PRKD3: variants seen among roughly 807,000 people sequenced by gnomAD.
PRKD3 encodes serine/threonine-protein kinase D3.
In PRKD3, 47 loss-of-function variants were observed where a neutral mutation model predicts 99.2. The observed-to-expected ratio is 0.47, with a 90% CI of 0.38 to 0.60. The LOEUF (loss-of-function observed/expected upper bound fraction) is 0.60. PRKD3 is among the 20% of genes least tolerant of loss of function. The pLI is 0.00. For missense variants in PRKD3, 1,019 were observed against 1,088.4 expected (o/e 0.94, Z 0.90); for synonymous variants, 392 against 355.4 (o/e 1.10, Z -1.16).
Position 37,312,520 on chromosome 2 carries a change from A to G in PRKD3, c.288+3717T>C, listed in dbSNP as rs1572702208. On this transcript the variant is annotated intron_variant, in intron 2 of 18. Transcript: ENST00000234179. Reference sequence around the variant, plus strand: ...TGTTCCAGCTCTTATAGTGTAAATAAGAGTCCTTTTCACAGTCTATTTAGT... The same window carrying G: ...TGTTCCAGCTCTTATAGTGTAAATAGGAGTCCTTTTCACAGTCTATTTAGT... Among the ~76,000 whole-genome samples the G allele has an allele frequency of 2.6e-5, 4 of 152,318 alleles. 1 individual carries two copies. Among genetic ancestry groups the G allele is most frequent in the Admixed American group, 2.6e-4 (4 of 15,308 alleles).
intron 6 of PRKD3, among the ~76,000 whole-genome samples, chr2:37,283,575 G>A (rs1182319840): frequency 6.6e-6 from 1 of 152,104 alleles, no homozygotes; most frequent in Non-Finnish European, 1.5e-5. Flanking sequence ...GTTAAGACAG[G>A]CCCTAGGGAA....
chr2:37,322,708 T>C (rs1671938165), intron 1 of PRKD3, among the ~76,000 whole-genome samples: 1 of 152,092 alleles, frequency 6.6e-6, no homozygotes, highest in Non-Finnish European at 1.5e-5. Flanking sequence ...AAAATGAAAA[T>C]ATCTCATAAG....
chr2:37,321,900 G>T (rs1320575873), intron 1 of PRKD3, among the ~76,000 whole-genome samples: 1 of 152,168 alleles, frequency 6.6e-6, no homozygotes, highest in Non-Finnish European at 1.5e-5. Flanking sequence ...TCTTCAAAAA[G>T]AAGTTCATTA....
At chr2:37,306,996 A>G (rs1344387938) in intron 2 of PRKD3, among the ~76,000 whole-genome samples, 2 of 152,192 alleles carry the variant, frequency 1.3e-5, no homozygotes, top group Non-Finnish European at 2.9e-5. Flanking sequence ...TTACTCCATC[A>G]GTTTAACCCA....
rs146306275 is a variant in PRKD3 at position 37,260,391 on chromosome 2, A to G, written c.1885-7T>C. Reference sequence around the variant, plus strand: ...TCCCAGGATGGTGCAAATTCTGAAGAGAGGTTGCAAGATACATGAGCAACT... The same window carrying G: ...TCCCAGGATGGTGCAAATTCTGAAGGGAGGTTGCAAGATACATGAGCAACT... On this transcript the variant is annotated splice_polypyrimidine_tract_variant and splice_region_variant and intron_variant, in intron 14 of 18. Coordinates refer to ENST00000234179, the MANE Select transcript of PRKD3 (RefSeq NM_005813.6). 2.8e-4 allele frequency: 449 copies of G among 1,606,302 alleles called. 2 individuals carry two copies. The African/African-American group carries it at 5.3e-3, about 19-fold the overall frequency.
chr2:37,314,604 A>G (rs958221293), intron 2 of PRKD3, among the ~76,000 whole-genome samples: 4 of 152,188 alleles, frequency 2.6e-5, no homozygotes, highest in Admixed American at 6.5e-5. Context: ...TACTTAATAA[A>G]TATATACAAT....
rs1668322736 is a variant in PRKD3, at chr2:37,260,387, G to GTAA, written c.1885-4_1885-3insTTA. Reference sequence around the variant, plus strand: ...ACAATCCCAGGATGGTGCAAATTCTGAAGAGAGGTTGCAAGATACATGAGC... The same window carrying GTAA: ...ACAATCCCAGGATGGTGCAAATTCTGTAAAAGAGAGGTTGCAAGATACATGAGC... On this transcript the variant is annotated splice_polypyrimidine_tract_variant and splice_region_variant and intron_variant, in intron 14 of 18. Transcript: ENST00000234179. The GTAA allele has an allele frequency of 6.2e-7, 1 of 1,608,270 alleles. No homozygotes were observed. Among genetic ancestry groups the GTAA allele is most frequent in the Non-Finnish European group, 8.5e-7 (1 of 1,174,974 alleles).
intron 14 of PRKD3, among the ~76,000 whole-genome samples, chr2:37,261,044 C>A (rs193130195): frequency 9.3e-4 from 141 of 152,326 alleles, no homozygotes; most frequent in Middle Eastern, 3.4e-3. Context: ...TGCTCAAACA[C>A]CTTCAGTGGC....
chr2:37,253,233 A>G lies in PRKD3; in HGVS notation c.2617T>C (p.Tyr873His), dbSNP rs756556191. 14 of 1,612,606 alleles carry G rather than the reference A, an allele frequency of 8.7e-6. No homozygotes were observed. The East Asian group carries it at 1.3e-4, about 15-fold the overall frequency. Residue 873 changes from tyrosine to histidine, a missense_variant, in exon 19 of 19, where the codon TAC becomes CAC. Tyr to His is a moderately conservative substitution (Grantham distance 83). This residue lies in a region of PRKD3 where 125 missense variants were observed against 120.6 expected (regional missense o/e 1.04). Coordinates refer to ENST00000234179, the MANE Select transcript of PRKD3 (RefSeq NM_005813.6). ...EIHAYTHNLVYPKHFIMAPNP... is the reference protein window; with the variant it reads ...EIHAYTHNLVHPKHFIMAPNP... ...GGAGCCATAATGAAGTGCTTTGGGT[A>G]TACAAGGTTATGTGTGTATGCATGT...
At chr2:37,276,479 T>C (rs1669576122) in intron 9 of PRKD3, among the ~76,000 whole-genome samples, 1 of 152,128 alleles carries the variant, frequency 6.6e-6, no homozygotes, top group African/African-American at 2.4e-5. Flanking sequence ...AAACTCTCTG[T>C]TCATATTCTT....
chr2:37,290,461 T>G (rs1213881097), intron 4 of PRKD3, among the ~76,000 whole-genome samples: 1 of 152,208 alleles, frequency 6.6e-6, no homozygotes, highest in Non-Finnish European at 1.5e-5. Flanking sequence ...CTCAAACTCC[T>G]GACCTCAGGT....
intron 4 of PRKD3, among the ~76,000 whole-genome samples, chr2:37,289,918 T>C (rs1670318242): frequency 6.6e-6 from 1 of 152,218 alleles, no homozygotes; most frequent in Non-Finnish European, 1.5e-5. Context: ...CTGTACCAAA[T>C]TCCTCCTGTG....
chr2:37,319,635 CA>C (rs1250033942), intron 1 of PRKD3, among the ~76,000 whole-genome samples: 1 of 151,906 alleles, frequency 6.6e-6, no homozygotes, highest in Non-Finnish European at 1.5e-5. Flanking sequence ...AGAGCTAATG[CA>C]AAGCTAATGC....
At chr2:37,264,608 G>C (rs962801063) in intron 14 of PRKD3, among the ~76,000 whole-genome samples, 128 of 152,140 alleles carry the variant, frequency 8.4e-4, no homozygotes, top group Non-Finnish European at 1.1e-3. Context: ...ACGGAGACAA[G>C]GGAGTATGAC....
chr2:37,254,028 C>T (rs577872117), intron 18 of PRKD3, among the ~76,000 whole-genome samples, 176 bp downstream of exon 18: 1 of 152,132 alleles, frequency 6.6e-6, no homozygotes, highest in Non-Finnish European at 1.5e-5. Context: ...GTTTAATTGC[C>T]TGTCATTACC....
At chr2:37,302,795 T>C (rs1247345179) in intron 2 of PRKD3, among the ~76,000 whole-genome samples, 1 of 152,138 alleles carries the variant, frequency 6.6e-6, no homozygotes, top group East Asian at 1.9e-4. Context: ...CAAGCAATCA[T>C]TCTGCCTCAA....
chr2:37,289,563 A>AT (rs2124833877), intron 4 of PRKD3, 50 bp from the exon 5 acceptor site: 1 of 1,437,888 alleles, frequency 7.0e-7, no homozygotes, highest in East Asian at 2.5e-5. Flanking sequence ...AAAATTTACT[A>AT]TTTAAGTGTG....
Position 37,282,634 on chromosome 2 carries a change from T to C in PRKD3, c.911-15A>G, listed in dbSNP as rs1411167584. ...GAATTTGCAATCTAAAATGAAAATATTCAGCATATTAATTTATGTAAAAGT... is the reference window on the plus strand; with the variant it reads ...GAATTTGCAATCTAAAATGAAAATACTCAGCATATTAATTTATGTAAAAGT... On this transcript the variant is annotated splice_polypyrimidine_tract_variant and intron_variant, in intron 6 of 18. Coordinates refer to ENST00000234179, the MANE Select transcript of PRKD3 (RefSeq NM_005813.6). 31 of 1,543,000 alleles carry C rather than the reference T, an allele frequency of 2.0e-5. No homozygotes were observed. Among genetic ancestry groups the C allele is most frequent in the Non-Finnish European group, 2.8e-5 (31 of 1,116,068 alleles).
At chr2:37,291,493 G>A (rs1045254368) in intron 3 of PRKD3, among the ~76,000 whole-genome samples, 14 of 152,176 alleles carry the variant, frequency 9.2e-5, no homozygotes, top group Admixed American at 5.2e-4. Flanking sequence ...GTGAACGTCG[G>A]GACAGTAGAC....
Sources: allele counts gnomAD v4.1 joint callset (sites outside exome capture counted in the v4.1 genomes callset), GRCh38; gene constraint gnomAD v4.1.1; regional missense constraint gnomAD v4.1.1; transcripts MANE v1.5; gene names NCBI Gene and HGNC (gene_info 2026-07-23, HGNC 2026-07-21).